Variants in MLIP observed in about 807,000 individuals in gnomAD.
MLIP encodes muscular LMNA interacting protein.
In MLIP, 79 loss-of-function variants were observed where a neutral mutation model predicts 84.8. The observed-to-expected ratio is 0.93, with a 90% CI of 0.78 to 1.12. MLIP has a LOEUF of 1.12. MLIP is among the 50% of genes most tolerant of loss of function. MLIP has a pLI of 0.00. For synonymous variants in MLIP, 504 were observed against 463.0 expected, an observed-to-expected ratio of 1.09 and a Z score of -1.14; for missense variants, 1,257 against 1,160.6, an observed-to-expected ratio of 1.08 and a Z score of -1.21.
intron 1 of MLIP, among the ~76,000 whole-genome samples, chr6:54,037,038 T>G (rs1401993089): frequency 6.6e-6 from 1 of 152,032 alleles, no homozygotes; most frequent in African/African-American, 2.4e-5. Flanking sequence ...TAGATGTTTG[T>G]GATATTTATG....
intron 1 of MLIP, among the ~76,000 whole-genome samples, chr6:54,084,236 G>A (rs1278259245): frequency 6.6e-6 from 1 of 152,040 alleles, no homozygotes; most frequent in African/African-American, 2.4e-5. Context: ...TTTAGTTGAA[G>A]CTTAGGATTC....
In MLIP at chr6:54,077,730, T is replaced by C. The variant is rs976105211; in HGVS notation, c.64-43717T>C. The stretch of plus-strand genomic sequence containing the variant: ...TAGCTGCATAAACTTAAAGCATTGA[T>C]TGGTCTTGGCATACCACTTATAAAG... On this transcript the variant is annotated intron_variant, in intron 1 of 12. Coordinates refer to the MLIP transcript ENST00000274897. Among the ~76,000 whole-genome samples, 126 of 152,304 alleles carry C rather than the reference T, an allele frequency of 8.3e-4. 1 individual carries two copies. Among genetic ancestry groups the C allele is most frequent in the African/African-American group, 3.0e-3 (125 of 41,558 alleles).
At chr6:54,025,004 A>ATTTTTTTTT (rs79753738) in intron 1 of MLIP, among the ~76,000 whole-genome samples, 1 of 140,012 alleles carries the variant, frequency 7.1e-6, no homozygotes, top group Non-Finnish European at 1.5e-5. Context: ...TGCCCAGCTA[A>ATTTTTTTTT]TTTTTTTTTT....
intron 13 of MLIP, among the ~76,000 whole-genome samples, chr6:54,260,894 G>A (rs1350936388): frequency 1.3e-5 from 2 of 151,920 alleles, no homozygotes; most frequent in Non-Finnish European, 2.9e-5. Flanking sequence ...ATTCCAAACA[G>A]TGTTTTATTT....
At chr6:54,217,313 G>A in intron 11 of MLIP, 2 of 985,354 alleles carry the variant, frequency 2.0e-6, no homozygotes, top group South Asian at 9.4e-5. Context: ...AGATGTGCAG[G>A]CTTTAATAAG....
At chr6:54,089,784 C>A (rs944732119) in intron 1 of MLIP, among the ~76,000 whole-genome samples, 4 of 152,086 alleles carry the variant, frequency 2.6e-5, no homozygotes, top group African/African-American at 4.8e-5. Flanking sequence ...TAAAGTACAG[C>A]CTGAACTGCT....
chr6:54,129,796 A>G (rs956756306), intron 3 of MLIP, among the ~76,000 whole-genome samples: 9 of 152,144 alleles, frequency 5.9e-5, no homozygotes, highest in African/African-American at 2.2e-4. Context: ...TGAATGCAGA[A>G]CAGAGCCACC....
At chr6:54,063,109 G>A (rs1288658189) in intron 1 of MLIP, among the ~76,000 whole-genome samples, 2 of 152,002 alleles carry the variant, frequency 1.3e-5, no homozygotes, top group African/African-American at 2.4e-5. Context: ...GGGAGGCTAA[G>A]GCAGGAGAAC....
Position 54,136,946 on chromosome 6 carries a change from A to G in MLIP, c.877A>G (p.Thr293Ala). 1 of 1,535,678 alleles carries G rather than the reference A, an allele frequency of 6.5e-7. No individual in the cohort carries two copies. Among genetic ancestry groups the G allele is most frequent in the Non-Finnish European group, 8.7e-7 (1 of 1,146,802 alleles). ...TACACCCTTTTCTGCATCGAAGGGC[A>G]CCTCCTCGACGTTACTGTTTCCCCA... ...HSTPFSASKG[T>A]SSTLLFPHST... is the part of the protein sequence containing the mutation. The change falls in exon 4 of 14, where the codon ACC becomes GCC. Residue 293 changes from threonine (T) to alanine (A), a missense_variant. Coordinates refer to ENST00000502396, the MANE Select transcript of MLIP (RefSeq NM_001281747.2).
At chr6:54,174,288 T>A (rs1223861560) in intron 9 of MLIP, among the ~76,000 whole-genome samples, 1 of 151,960 alleles carries the variant, frequency 6.6e-6, no homozygotes, top group Non-Finnish European at 1.5e-5. Context: ...ATGGTAGCTC[T>A]TTCTTTTTCA....
At chr6:54,088,573 A>C (rs891609709) in intron 1 of MLIP, among the ~76,000 whole-genome samples, 7 of 152,192 alleles carry the variant, frequency 4.6e-5, no homozygotes, top group African/African-American at 1.7e-4. Context: ...GTTAGAGCAG[A>C]CTGGCTTCTC....
At chr6:54,039,144 G>C (rs1039033966) in intron 1 of MLIP, among the ~76,000 whole-genome samples, 5 of 151,854 alleles carry the variant, frequency 3.3e-5, no homozygotes. Context: ...AACTATACAA[G>C]ATCTTTGGAA....
intron 11 of MLIP, among the ~76,000 whole-genome samples, chr6:54,222,677 A>G (rs1446026585): frequency 2.0e-5 from 3 of 152,104 alleles, no homozygotes; most frequent in African/African-American, 7.2e-5. Context: ...TCTGCAGTGT[A>G]CATGAAAGTA....
At chr6:54,125,734 T>TCCCATTTAGGG (rs1770869596) in intron 3 of MLIP, among the ~76,000 whole-genome samples, 1 of 152,130 alleles carries the variant, frequency 6.6e-6, no homozygotes. Flanking sequence ...CACGAATTGT[T>TCCCATTTAGGG]ACCCAGATGT....
At chr6:54,152,731 C>G (rs936103177) in intron 5 of MLIP, among the ~76,000 whole-genome samples, 3 of 152,068 alleles carry the variant, frequency 2.0e-5, no homozygotes, top group East Asian at 3.9e-4. Context: ...AGTTAAAGGT[C>G]TCGCTTTCAT....
rs1395106045 is a variant in MLIP, at chr6:54,136,935, C to A, written c.866C>A (p.Ala289Glu). Residue 289 changes from alanine to glutamate, a missense_variant, in exon 4 of 14, where the codon GCA (alanine) becomes GAA (glutamate). Coordinates refer to ENST00000502396, the MANE Select transcript of MLIP (RefSeq NM_001281747.2). ...QTTAHSTPFS[A>E]SKGTSSTLLF... ...ACCGCTCACTCTACACCCTTTTCTG[C>A]ATCGAAGGGCACCTCCTCGACGTTA... 2 of 1,535,956 alleles carry A rather than the reference C, an allele frequency of 1.3e-6. No homozygotes were observed. Among genetic ancestry groups the A allele is most frequent in the Non-Finnish European group, 1.7e-6 (2 of 1,146,888 alleles).
At chr6:54,157,604 A>G (rs983031534) in intron 5 of MLIP, among the ~76,000 whole-genome samples, 1 of 152,036 alleles carries the variant, frequency 6.6e-6, no homozygotes, top group African/African-American at 2.4e-5. Flanking sequence ...AGTATATGTG[A>G]CTAACAAACT....
At chr6:54,228,283 T>C (rs1402090409) in intron 11 of MLIP, among the ~76,000 whole-genome samples, 1 of 150,268 alleles carries the variant, frequency 6.7e-6, no homozygotes, top group Admixed American at 6.6e-5. Context: ...AGGATTATGC[T>C]AAAGAGAATC....
chr6:54,250,426 A>G (rs916469027), intron 12 of MLIP, among the ~76,000 whole-genome samples: 1 of 152,108 alleles, frequency 6.6e-6, no homozygotes, highest in Non-Finnish European at 1.5e-5. Flanking sequence ...TCACTGCAGC[A>G]CTATTCACAA....
Sources: allele counts gnomAD v4.1 joint callset (sites outside exome capture counted in the v4.1 genomes callset), GRCh38; gene constraint gnomAD v4.1.1; transcripts MANE v1.5; gene names NCBI Gene and HGNC (gene_info 2026-07-23, HGNC 2026-07-21).